ARSG: variants seen among roughly 807,000 people sequenced by gnomAD.
The protein encoded by ARSG is ASG.
Under a neutral mutation model 50.5 loss-of-function variants are expected in ARSG, and 37 were observed. That is an observed-to-expected ratio of 0.73 (90% CI 0.56 to 0.96). The LOEUF is 0.96. Among genes scored for constraint, ARSG ranks in the 50% least tolerant of loss-of-function variants. The pLI is 0.00. For missense variants in ARSG, 629 were observed against 675.3 expected (o/e 0.93, Z 0.76); for synonymous variants, 225 against 254.6 (o/e 0.88, Z 1.11).
chr17:68,420,533 T>C lies in ARSG; in HGVS notation c.*70T>C. 1.3e-6 allele frequency: 2 copies of C among 1,523,346 alleles called. No homozygotes were observed. The highest frequency in any genetic ancestry group is 1.8e-6 in the Non-Finnish European group (2 of 1,112,620). 94.4% of individuals were successfully genotyped at this position (1,523,346 alleles called of 1,614,324 possible). ...CAAGTTTGCTTCCAAATTTCATTTTTACCCTCTTTACAAACACACGCTTTA... is the reference window on the plus strand; with the variant it reads ...CAAGTTTGCTTCCAAATTTCATTTTCACCCTCTTTACAAACACACGCTTTA... On this transcript the variant is annotated 3_prime_UTR_variant, in exon 12 of 12. Transcript: ENST00000621439.
intron 11 of ARSG, among the ~76,000 whole-genome samples, chr17:68,402,302 T>A (rs2081505741): frequency 6.6e-6 from 1 of 152,128 alleles, no homozygotes; most frequent in Non-Finnish European, 1.5e-5. Context: ...TGGAGTGCAG[T>A]GGCGTCATCT....
intron 2 of ARSG, among the ~76,000 whole-genome samples, chr17:68,313,998 C>T (rs936289748): frequency 6.6e-6 from 1 of 151,918 alleles, no homozygotes; most frequent in Non-Finnish European, 1.5e-5. Context: ...CTTTTTACTC[C>T]GCTTCTAACG....
chr17:68,276,666 CT>C (rs2075533320), intron 1 of ARSG, among the ~76,000 whole-genome samples: 1 of 152,174 alleles, frequency 6.6e-6, no homozygotes, highest in African/African-American at 2.4e-5. Context: ...GTTGCCCAGG[CT>C]AGTCTCAAAC....
At chr17:68,287,084 A>G (rs1034418365), upstream of ARSG, among the ~76,000 whole-genome samples, 3 of 152,104 alleles carry the variant, frequency 2.0e-5, no homozygotes, top group Non-Finnish European at 2.9e-5. Context: ...CCCGGGTTCA[A>G]GTGATTCTCC....
intron 2 of ARSG, among the ~76,000 whole-genome samples, chr17:68,328,589 T>C (rs2077597128): frequency 6.6e-6 from 1 of 152,216 alleles, no homozygotes; most frequent in South Asian, 2.1e-4. Flanking sequence ...AACTCGTTGA[T>C]GGAAAGGGCT....
intron 9 of ARSG, among the ~76,000 whole-genome samples, chr17:68,389,734 C>G (rs1412853501): frequency 6.6e-6 from 1 of 152,142 alleles, no homozygotes; most frequent in African/African-American, 2.4e-5. Flanking sequence ...TCTCCTGCCT[C>G]TCGCTTCCTG....
chr17:68,445,729 T>G, the ARSG span, among the ~76,000 whole-genome samples: 24 of 152,332 alleles, frequency 1.6e-4, no homozygotes, highest in African/African-American at 5.1e-4. Flanking sequence ...CATAGCCCAG[T>G]ACAAGGGCAG....
chr17:68,394,619 C>G (rs1489920525), intron 9 of ARSG, among the ~76,000 whole-genome samples: 1 of 152,020 alleles, frequency 6.6e-6, no homozygotes, highest in East Asian at 1.9e-4. Flanking sequence ...GATGACAGAG[C>G]AAGACTCTGT....
At chr17:68,387,542 A>C (rs2080788377) in intron 9 of ARSG, among the ~76,000 whole-genome samples, 1 of 152,110 alleles carries the variant, frequency 6.6e-6, no homozygotes, top group Non-Finnish European at 1.5e-5. Context: ...ATTTGGGCGG[A>C]GTTTCCTACT....
At chr17:68,322,511 G>A (rs1939722843) in intron 2 of ARSG, among the ~76,000 whole-genome samples, 1 of 152,170 alleles carries the variant, frequency 6.6e-6, no homozygotes, top group African/African-American at 2.4e-5. Flanking sequence ...CAGCTACTCA[G>A]GAGGCTGAGG....
chr17:68,349,761 T>G (rs1269534697), intron 4 of ARSG, among the ~76,000 whole-genome samples: 1 of 152,022 alleles, frequency 6.6e-6, no homozygotes, highest in Non-Finnish European at 1.5e-5. Context: ...CAGGTGCCTG[T>G]AGTCCCAGCT....
At chr17:68,349,532 G>A (rs1007267356) in intron 4 of ARSG, among the ~76,000 whole-genome samples, 2 of 152,072 alleles carry the variant, frequency 1.3e-5, no homozygotes, top group Non-Finnish European at 2.9e-5. Flanking sequence ...TGTACCTAGG[G>A]GGTAGCTAAA....
In ARSG at chr17:68,279,037, A is replaced by G. The variant is rs189764297; in HGVS notation, c.-552+19611A>G. ...TGGGGCCTCCCAAAAAGAAAGTTAA[A>G]TGGGAAAAACAGACATGAAGAACCA... On this transcript the variant is annotated intron_variant, in intron 1 of 11. Transcript: ENST00000448504. Among the ~76,000 whole-genome samples, 16 of 152,350 alleles carry G rather than the reference A, an allele frequency of 1.1e-4. No homozygotes were observed. In the East Asian group the frequency reaches 3.1e-3, roughly 29 times the overall value.
intron 1 of ARSG, among the ~76,000 whole-genome samples, chr17:68,265,664 T>A (rs1372463683): frequency 1.3e-5 from 2 of 150,976 alleles, no homozygotes; most frequent in Non-Finnish European, 2.9e-5. Context: ...TACAGATGTG[T>A]GGTGAAGGGG....
chr17:68,414,459 A>G (rs896482593), intron 11 of ARSG, among the ~76,000 whole-genome samples: 5 of 152,134 alleles, frequency 3.3e-5, no homozygotes, highest in Admixed American at 6.5e-5. Flanking sequence ...TTTAGCATCT[A>G]TGTTCATGAG....
intron 1 of ARSG, among the ~76,000 whole-genome samples, chr17:68,293,526 G>A (rs1191846531): frequency 6.6e-6 from 1 of 151,348 alleles, no homozygotes; most frequent in African/African-American, 2.4e-5. Flanking sequence ...ATAGATTTTT[G>A]TTACTAATGT....
At chr17:68,348,161 G>A (rs1317507889) in intron 4 of ARSG, among the ~76,000 whole-genome samples, 5 of 152,066 alleles carry the variant, frequency 3.3e-5, no homozygotes, top group Admixed American at 6.6e-5. Context: ...GTGGGCATTC[G>A]TGGCATCATC....
chr17:68,304,763 C>T (rs1006634996), intron 1 of ARSG, among the ~76,000 whole-genome samples: 1 of 152,342 alleles, frequency 6.6e-6, no homozygotes, highest in South Asian at 2.1e-4. Context: ...CCGCTAGCCT[C>T]AAGTAATCCT....
At chr17:68,346,530 A>G (rs1375869771) in intron 3 of ARSG, among the ~76,000 whole-genome samples, 2 of 152,056 alleles carry the variant, frequency 1.3e-5, no homozygotes, top group Non-Finnish European at 2.9e-5. Context: ...GAGAGTTCTG[A>G]CACTGTCAGA....
Sources: gnomAD v4.1 joint callset for allele counts (sites outside exome capture counted in the v4.1 genomes callset) on GRCh38, gnomAD v4.1.1 for gene constraint, MANE v1.5 for transcripts, NCBI Gene and HGNC (gene_info 2026-07-23, HGNC 2026-07-21) for gene names.